DAAM1: variants seen among roughly 807,000 people sequenced by gnomAD.
The protein encoded by DAAM1 is disheveled-associated activator of morphogenesis 1.
In DAAM1, 52 loss-of-function variants were observed where a neutral mutation model predicts 130.0. That is an observed-to-expected ratio of 0.40 (90% CI 0.32 to 0.50). DAAM1 has a LOEUF of 0.50. DAAM1 is among the 20% of genes least tolerant of loss of function. The pLI, the probability that DAAM1 is intolerant of heterozygous loss-of-function variation, is 0.61. For synonymous variants in DAAM1, 452 were observed against 444.5 expected (o/e 1.02, Z -0.21); for missense variants, 1,134 against 1,303.8 (o/e 0.87, Z 2.01).
intron 4 of DAAM1, among the ~76,000 whole-genome samples, chr14:59,317,220 TC>T (rs1333912552): frequency 4.3e-4 from 65 of 152,332 alleles, no homozygotes; most frequent in African/African-American, 1.6e-3. Context: ...TTTCTAATGT[TC>T]CTTTTAGGAC....
chr14:59,330,617 G>C lies in DAAM1; in HGVS notation c.1489G>C (p.Glu497Gln). 1.2e-6 allele frequency: 2 copies of C among 1,613,914 alleles called. No homozygotes were observed. The highest frequency in any genetic ancestry group is 4.5e-5 in the East Asian group (2 of 44,866). ...TAAAATGAAAGAGAAACTTGAAAAG[G>C]AGACTACTGAGCATAAGCAAGTCAA... ...LNKMKEKLEK[E>Q]TTEHKQVKQQ... Residue 497 changes from glutamate (E) to glutamine (Q), a missense_variant, in exon 13 of 25, where the codon GAG becomes CAG. Physicochemically the swap from Glu to Gln is conservative, Grantham distance 29. This residue lies in a region of DAAM1 where 644 missense variants were observed against 695.9 expected (regional missense o/e 0.93). Coordinates refer to ENST00000360909, the MANE Select transcript of DAAM1 (RefSeq NM_001270520.2).
chr14:59,299,924 T>C (rs1470812092), intron 3 of DAAM1: 2 of 152,188 alleles, frequency 1.3e-5, no homozygotes. Context: ...AGCATGCTAC[T>C]GACCAGGTGT....
At chr14:59,203,005 T>C (rs1000362768) in intron 1 of DAAM1, among the ~76,000 whole-genome samples, 1 of 151,732 alleles carries the variant, frequency 6.6e-6, no homozygotes. Flanking sequence ...CTTTTTTTTT[T>C]TTTTGAGATG....
intron 2 of DAAM1, among the ~76,000 whole-genome samples, chr14:59,287,926 A>G (rs1324570858): frequency 6.6e-6 from 1 of 152,204 alleles, no homozygotes. Context: ...AAGTAACCTA[A>G]AATTCATATA....
intron 15 of DAAM1, chr14:59,338,527 T>A: frequency 8.8e-7 from 1 of 1,134,946 alleles, no homozygotes; most frequent in Admixed American, 2.0e-5. Context: ...TTACATAGTG[T>A]AATCTAATGC....
intron 1 of DAAM1, among the ~76,000 whole-genome samples, chr14:59,241,881 G>GTC (rs750663788): frequency 1.7e-4 from 26 of 151,350 alleles, no homozygotes; most frequent in East Asian, 3.9e-4. Flanking sequence ...ATCACAAACT[G>GTC]TCTCTCTCTC....
intron 22 of DAAM1, 59 bp from the exon 23 acceptor site, chr14:59,363,592 G>C (rs1886796653): frequency 6.3e-7 from 1 of 1,598,344 alleles, no homozygotes; most frequent in Middle Eastern, 1.7e-4. Context: ...ATGAGACGAG[G>C]TGTGTCTCAT....
At position 59,331,316 on chromosome 14, in the gene DAAM1, T is replaced by G. The variant is rs781426332; in HGVS notation, c.1668T>G (p.Pro556=). 9.2e-7 allele frequency: 1 copy of G among 1,086,752 alleles called. No individual in the cohort carries two copies. The highest frequency in any genetic ancestry group is 2.8e-5 in the Admixed American group (1 of 35,982). 67.3% of individuals were successfully genotyped at this position (1,086,752 alleles called of 1,614,324 possible). A position where few individuals can be genotyped will look rare whatever the true frequency, so the allele number is the denominator to read the frequency against. ...GSLLPPPPPP[P]LPGGMLPPPP... ...TCCTTCCTCCCCCACCACCCCCACCTCTACCAGGTGGGATGCTTCCCCCTC... is the reference window on the plus strand; with the variant it reads ...TCCTTCCTCCCCCACCACCCCCACCGCTACCAGGTGGGATGCTTCCCCCTC... The change falls in exon 14 of 25, where the codon CCT becomes CCG. Residue 556 remains proline, a synonymous_variant. Transcript: ENST00000360909.
intron 1 of DAAM1, among the ~76,000 whole-genome samples, chr14:59,229,441 C>A (rs1594768940): frequency 6.6e-6 from 1 of 152,152 alleles, no homozygotes; most frequent in Admixed American, 6.5e-5. Flanking sequence ...TTTTAAAAGC[C>A]TATATAATAC....
intron 3 of DAAM1, among the ~76,000 whole-genome samples, chr14:59,291,793 C>T (rs1286950019): frequency 6.6e-6 from 1 of 152,192 alleles, no homozygotes; most frequent in Non-Finnish European, 1.5e-5. Context: ...TCCACTCCCA[C>T]TTTGAGGGAC....
In DAAM1 at chr14:59,272,457, C is replaced by T. The variant is rs1882750830; in HGVS notation, c.183+8797C>T. On this transcript the variant is annotated intron_variant, in intron 2 of 24. Coordinates refer to ENST00000360909, the MANE Select transcript of DAAM1 (RefSeq NM_001270520.2). The stretch of plus-strand genomic sequence containing the variant: ...CAGATGTGGTGGCACATGCCTGTAA[C>T]CCCAGCTACTTAGGAGGCTGAGGCA... Among the ~76,000 whole-genome samples the T allele has an allele frequency of 2.0e-5, 3 of 152,104 alleles. No individual in the cohort carries two copies. The South Asian group carries it at 6.2e-4, about 32-fold the overall frequency.
At chr14:59,363,105 G>A (rs963294897) in intron 22 of DAAM1, 1 of 153,438 alleles carries the variant, frequency 6.5e-6, no homozygotes, top group Non-Finnish European at 1.4e-5. Context: ...TCCCCTACAG[G>A]CCTGTTCACA....
intron 1 of DAAM1, among the ~76,000 whole-genome samples, chr14:59,241,748 A>G (rs1351908830): frequency 6.6e-6 from 1 of 152,190 alleles, no homozygotes; most frequent in East Asian, 1.9e-4. Context: ...GATAGAAACA[A>G]TTGGGCTATG....
intron 5 of DAAM1, among the ~76,000 whole-genome samples, chr14:59,320,890 A>G (rs1566701767): frequency 6.6e-6 from 1 of 152,154 alleles, no homozygotes. Flanking sequence ...CCACTTTGGA[A>G]AAGGGTTTTA....
chr14:59,339,133 A>G (rs1364673081), intron 15 of DAAM1, among the ~76,000 whole-genome samples: 1 of 152,240 alleles, frequency 6.6e-6, no homozygotes, highest in Non-Finnish European at 1.5e-5. Context: ...ACTTTAATTC[A>G]GCCCCCTCAT....
chr14:59,229,009 C>T (rs1889024853), intron 1 of DAAM1, among the ~76,000 whole-genome samples: 1 of 152,098 alleles, frequency 6.6e-6, no homozygotes, highest in Admixed American at 6.6e-5. Context: ...TAACAAATTC[C>T]TTTTAATGAG....
chr14:59,318,159 TG>T (rs1312047441), intron 4 of DAAM1, among the ~76,000 whole-genome samples: 2 of 152,114 alleles, frequency 1.3e-5, no homozygotes, highest in Non-Finnish European at 2.9e-5. Context: ...TAGAAGGACC[TG>T]GGCTTTCTTT....
intron 15 of DAAM1, among the ~76,000 whole-genome samples, chr14:59,339,362 TC>T (rs1205340461): frequency 1.3e-5 from 2 of 152,348 alleles, no homozygotes; most frequent in African/African-American, 4.8e-5. Flanking sequence ...TTACCAATAC[TC>T]CTGATGCTCA....
chr14:59,266,284 G>A (rs1432952890), intron 2 of DAAM1: 1 of 151,788 alleles, frequency 6.6e-6, no homozygotes, highest in South Asian at 2.1e-4. Context: ...GGACATAGGT[G>A]TTGCTGATAG....
Sources: allele counts gnomAD v4.1 joint callset (sites outside exome capture counted in the v4.1 genomes callset), GRCh38; gene constraint gnomAD v4.1.1; regional missense constraint gnomAD v4.1.1; transcripts MANE v1.5; gene names NCBI Gene and HGNC (gene_info 2026-07-23, HGNC 2026-07-21).